Variants in PRKCA observed in about 807,000 individuals in gnomAD.
The protein encoded by PRKCA is protein kinase C alpha, also known as protein kinase C alpha type.
PRKCA carries 27 observed loss-of-function variants against 87.0 expected under a neutral mutation model. The ratio of observed to expected loss-of-function variants is 0.31; its 90% CI spans 0.23 to 0.43. The LOEUF is 0.43. Among genes scored for constraint, PRKCA ranks in the 20% least tolerant of loss-of-function variants. The pLI, the probability that PRKCA is intolerant of heterozygous loss-of-function variation, is 1.00. For missense variants in PRKCA, 518 were observed against 852.3 expected (o/e 0.61, Z 4.88); for synonymous variants, 329 against 311.1 (o/e 1.06, Z -0.61).
chr17:66,408,553 A>G (rs892461227), intron 2 of PRKCA, among the ~76,000 whole-genome samples: 10 of 152,232 alleles, frequency 6.6e-5, no homozygotes, highest in South Asian at 2.1e-4. Context: ...GGGACTGTCT[A>G]TGTCAATCTT....
At chr17:66,626,644 A>C (rs1970866023) in intron 3 of PRKCA, among the ~76,000 whole-genome samples, 1 of 151,632 alleles carries the variant, frequency 6.6e-6, no homozygotes, top group Non-Finnish European at 1.5e-5. Flanking sequence ...TGCTGGGATT[A>C]CAGGCGTGAG....
At chr17:66,674,207 A>G (rs1002417745) in intron 5 of PRKCA, among the ~76,000 whole-genome samples, 1 of 152,110 alleles carries the variant, frequency 6.6e-6, no homozygotes, top group African/African-American at 2.4e-5. Flanking sequence ...GACATGGAAC[A>G]CCTTTGGGCT....
chr17:66,632,315 T>C (rs1329497948), intron 3 of PRKCA, among the ~76,000 whole-genome samples: 4 of 152,172 alleles, frequency 2.6e-5, no homozygotes, highest in African/African-American at 9.6e-5. Context: ...AGTCATTTAC[T>C]TATTTATCAA....
chr17:66,542,061 TA>T (rs1351054407), intron 3 of PRKCA, among the ~76,000 whole-genome samples: 24 of 152,196 alleles, frequency 1.6e-4, no homozygotes, highest in African/African-American at 5.8e-4. Flanking sequence ...TGGTTCTATA[TA>T]AAGCCCCAGG....
rs775294696 is a variant in PRKCA, at chr17:66,645,404, A to G, written c.422A>G (p.Lys141Arg). 9 of 1,614,202 alleles carry G rather than the reference A, an allele frequency of 5.6e-6. No individual in the cohort carries two copies. In the Admixed American group the frequency reaches 1.3e-4, roughly 24 times the overall value. ...KCDTCDMNVHKQCVINVPSLC... is the reference protein window; with the variant it reads ...KCDTCDMNVHRQCVINVPSLC... ...ACAGCCTGCGATATGAACGTTCACA[A>G]GCAATGCGTCATCAATGTCCCCAGC... is the stretch of plus-strand genomic sequence containing the variant. The change falls in exon 5 of 17, where the codon AAG becomes AGG. Residue 141 changes from lysine to arginine, a missense_variant. This residue lies in a region of PRKCA where 300 missense variants were observed against 496.8 expected (regional missense o/e 0.60). Transcript: ENST00000413366.
chr17:66,513,696 A>T (rs1357806627), intron 3 of PRKCA, among the ~76,000 whole-genome samples: 1 of 152,182 alleles, frequency 6.6e-6, no homozygotes, highest in East Asian at 1.9e-4. Context: ...AAGTAAATTG[A>T]TGCATCAGTG....
intron 9 of PRKCA, among the ~76,000 whole-genome samples, chr17:66,733,068 G>A (rs894103395): frequency 4.6e-5 from 7 of 150,544 alleles, no homozygotes; most frequent in South Asian, 4.2e-4. Context: ...GGAGAATGGC[G>A]TGAACCTGGG....
At chr17:66,708,146 C>T (rs1242844762) in intron 8 of PRKCA, among the ~76,000 whole-genome samples, 1 of 152,114 alleles carries the variant, frequency 6.6e-6, no homozygotes, top group Admixed American at 6.5e-5. Flanking sequence ...TTCATCAGGC[C>T]GACCAAGTGG....
intron 5 of PRKCA, among the ~76,000 whole-genome samples, chr17:66,681,266 C>T (rs956545365): frequency 5.3e-5 from 8 of 152,088 alleles, no homozygotes; most frequent in African/African-American, 1.4e-4. Context: ...GTTCTCTGAA[C>T]GGATTGCATT....
chr17:66,661,257 A>G (rs747875732), intron 5 of PRKCA, among the ~76,000 whole-genome samples: 27 of 138,028 alleles, frequency 2.0e-4, no homozygotes, highest in Non-Finnish European at 3.9e-4. Context: ...TGTGGGTCAC[A>G]TGCCACCCTG....
chr17:66,570,686 A>G (rs865786763), intron 3 of PRKCA, among the ~76,000 whole-genome samples: 4 of 152,146 alleles, frequency 2.6e-5, no homozygotes, highest in African/African-American at 4.8e-5. Flanking sequence ...CAGTTTTCCT[A>G]TTAAAATTAT....
chr17:66,666,408 A>T (rs558893557), intron 5 of PRKCA, among the ~76,000 whole-genome samples: 3 of 152,282 alleles, frequency 2.0e-5, no homozygotes, highest in African/African-American at 4.8e-5. Flanking sequence ...GGCTCTGCTG[A>T]CATTTGCCTG....
chr17:66,337,158 A>G (rs972464517), intron 2 of PRKCA, among the ~76,000 whole-genome samples: 2 of 151,954 alleles, frequency 1.3e-5, no homozygotes, highest in Admixed American at 6.6e-5. Flanking sequence ...GCAGAGTCAA[A>G]CTCATAGTCT....
rs866086342 is a variant in PRKCA at position 66,788,958 on chromosome 17, G to A, written c.1833G>A (p.Gln611=). Residue 611 remains glutamine (Q), a synonymous_variant, in exon 16 of 17, where the codon CAG becomes CAA. Transcript: ENST00000413366. The part of the protein sequence containing the change: ...DWEKLENREI[Q]PPFKPKVCGK... ...AAAAACTGGAGAACAGGGAGATCCA[G>A]CCACCATTCAAGCCCAAAGTGGTGA... The A allele has an allele frequency of 6.2e-7, 1 of 1,614,162 alleles. No individual in the cohort carries two copies. The highest frequency in any genetic ancestry group is 8.5e-7 in the Non-Finnish European group (1 of 1,180,012).
At chr17:66,407,010 G>C (rs187463497) in intron 2 of PRKCA, among the ~76,000 whole-genome samples, 7 of 152,022 alleles carry the variant, frequency 4.6e-5, no homozygotes, top group Admixed American at 3.9e-4. Context: ...GACACTCTTC[G>C]TTGCTTTAAA....
At chr17:66,316,741 G>C (rs1905336117) in intron 2 of PRKCA, among the ~76,000 whole-genome samples, 1 of 151,994 alleles carries the variant, frequency 6.6e-6, no homozygotes, top group Non-Finnish European at 1.5e-5. Context: ...CATCATGTTG[G>C]GAGTCCAGGG....
intron 3 of PRKCA, among the ~76,000 whole-genome samples, chr17:66,577,306 T>C (rs1969268981): frequency 6.6e-6 from 1 of 152,190 alleles, no homozygotes; most frequent in Non-Finnish European, 1.5e-5. Context: ...CATCCCTCTC[T>C]CACATTGGTC....
At chr17:66,607,122 T>C (rs553087110) in intron 3 of PRKCA, among the ~76,000 whole-genome samples, 1 of 152,310 alleles carries the variant, frequency 6.6e-6, no homozygotes, top group South Asian at 2.1e-4. Flanking sequence ...GAATATTAAG[T>C]TTTTGCAGAT....
chr17:66,566,376 G>A (rs1390376866), intron 3 of PRKCA, among the ~76,000 whole-genome samples: 1 of 151,954 alleles, frequency 6.6e-6, no homozygotes, highest in African/African-American at 2.4e-5. Context: ...ATGTTTTAGG[G>A]AGAAAGAAGC....
Sources: allele counts gnomAD v4.1 joint callset (sites outside exome capture counted in the v4.1 genomes callset), GRCh38; gene constraint gnomAD v4.1.1; regional missense constraint gnomAD v4.1.1; transcripts MANE v1.5; gene names NCBI Gene and HGNC (gene_info 2026-07-23, HGNC 2026-07-21).